Variants in CTNNAL1 observed in about 807,000 individuals in gnomAD.
CTNNAL1 encodes alpha-catulin.
Under a neutral mutation model 93.6 loss-of-function variants are expected in CTNNAL1, and 69 were observed. The observed-to-expected ratio is 0.74, with a 90% CI of 0.61 to 0.90. The LOEUF is 0.90. Ranked by LOEUF, CTNNAL1 falls within the 40% of genes least tolerant of loss-of-function variation. The probability of loss-of-function intolerance (pLI) is 0.00; values close to 1 mark genes in which losing one functional copy is unlikely to be tolerated. For missense variants in CTNNAL1, 836 were observed against 862.0 expected (o/e 0.97, Z 0.38); for synonymous variants, 286 against 305.4 (o/e 0.94, Z 0.66).
chr9:108,986,497 T>C (rs957626455), intron 4 of CTNNAL1, among the ~76,000 whole-genome samples: 1 of 151,996 alleles, frequency 6.6e-6, no homozygotes, highest in Non-Finnish European at 1.5e-5. Flanking sequence ...TACGTGTGCA[T>C]GTGTCTTTAC....
At chr9:108,962,168 T>C (rs1411473859) in intron 11 of CTNNAL1, among the ~76,000 whole-genome samples, 1 of 152,192 alleles carries the variant, frequency 6.6e-6, no homozygotes. Context: ...AATGTGGAAA[T>C]AATACCTGTC....
intron 4 of CTNNAL1, among the ~76,000 whole-genome samples, chr9:108,985,955 G>A (rs150689048): frequency 9.2e-5 from 14 of 152,122 alleles, no homozygotes; most frequent in African/African-American, 3.1e-4. Flanking sequence ...AGCACTAAGC[G>A]AAGCATCCCA....
At chr9:109,006,984 C>CA (rs1489796687) in intron 1 of CTNNAL1, among the ~76,000 whole-genome samples, 5 of 152,150 alleles carry the variant, frequency 3.3e-5, no homozygotes, top group African/African-American at 1.2e-4. Flanking sequence ...TTTGGGAGGC[C>CA]AAGGCTGGTG....
At chr9:108,945,131 GTC>G (rs1193865589) in intron 15 of CTNNAL1, among the ~76,000 whole-genome samples, 1 of 152,110 alleles carries the variant, frequency 6.6e-6, no homozygotes, top group Non-Finnish European at 1.5e-5. Context: ...TAACTCCCAG[GTC>G]TCTCTCTCCA....
intron 1 of CTNNAL1, among the ~76,000 whole-genome samples, chr9:109,011,261 T>C (rs149334051): frequency 2.0e-5 from 3 of 152,266 alleles, no homozygotes; most frequent in Non-Finnish European, 2.9e-5. Flanking sequence ...GGACAGTCAA[T>C]TATGAGGAAT....
At chr9:109,001,353 A>G (rs968718385) in intron 1 of CTNNAL1, among the ~76,000 whole-genome samples, 7 of 152,140 alleles carry the variant, frequency 4.6e-5, no homozygotes, top group Admixed American at 3.9e-4. Context: ...AGGTTTTTTA[A>G]GCAGGAAAGT....
Position 108,992,753 on chromosome 9 carries a change from G to A in CTNNAL1, c.398C>T (p.Thr133Ile), listed in dbSNP as rs141719674. The change falls in exon 3 of 19, where the codon ACA becomes ATA. Residue 133 changes from threonine to isoleucine, a missense_variant. Coordinates refer to ENST00000325551, the MANE Select transcript of CTNNAL1 (RefSeq NM_003798.4). The stretch of plus-strand genomic sequence containing the variant: ...CACTCCTGTTTTGTCTGTAAAAATT[G>A]TGATCTGCCCATCAGATTCCAGATG... ...LNHLESDGQI[T>I]IFTDKTGVIK... The A allele has an allele frequency of 2.5e-6, 4 of 1,613,836 alleles. No individual in the cohort carries two copies. The African/African-American group carries it at 5.3e-5, about 22-fold the overall frequency.
chr9:108,971,452 C>A (rs1180001808), intron 9 of CTNNAL1, among the ~76,000 whole-genome samples: 1 of 152,188 alleles, frequency 6.6e-6, no homozygotes, highest in East Asian at 1.9e-4. Context: ...TGGTAATAAT[C>A]CCCGCATGTC....
At chr9:108,970,262 A>G (rs1831072384) in intron 10 of CTNNAL1, 140 bp downstream of exon 10, 2 of 736,760 alleles carry the variant, frequency 2.7e-6, no homozygotes, top group Admixed American at 4.1e-5. Flanking sequence ...CACACTACCA[A>G]CAGAAATTCC....
chr9:108,997,968 T>C (rs1832083915), intron 2 of CTNNAL1, among the ~76,000 whole-genome samples: 1 of 152,202 alleles, frequency 6.6e-6, no homozygotes, highest in Non-Finnish European at 1.5e-5. Context: ...AATGAGAACA[T>C]GTCACTGCCC....
chr9:108,962,979 A>C (rs1467673909), intron 11 of CTNNAL1, among the ~76,000 whole-genome samples: 1 of 152,196 alleles, frequency 6.6e-6, no homozygotes, highest in Non-Finnish European at 1.5e-5. Context: ...TCTATCCCTA[A>C]CATGAGATTA....
intron 2 of CTNNAL1, among the ~76,000 whole-genome samples, chr9:108,997,872 C>A (rs1249933827): frequency 2.0e-5 from 3 of 152,208 alleles, no homozygotes; most frequent in Non-Finnish European, 2.9e-5. Flanking sequence ...GTGACAACCT[C>A]CTAACTGGTT....
chr9:108,949,353 T>C (rs1177269859), intron 14 of CTNNAL1, among the ~76,000 whole-genome samples: 2 of 152,184 alleles, frequency 1.3e-5, no homozygotes, highest in African/African-American at 4.8e-5. Flanking sequence ...CAAAAAATAC[T>C]GAGCATGCCA....
intron 1 of CTNNAL1, among the ~76,000 whole-genome samples, chr9:109,008,556 C>T (rs1224856143): frequency 6.6e-6 from 1 of 152,184 alleles, no homozygotes; most frequent in Non-Finnish European, 1.5e-5. Flanking sequence ...TAGATTACAA[C>T]AAACCATTTT....
intron 11 of CTNNAL1, 119 bp from the exon 12 acceptor site, chr9:108,955,946 AAC>A: frequency 3.3e-6 from 2 of 611,560 alleles, no homozygotes; most frequent in Non-Finnish European, 5.4e-6. Flanking sequence ...TAGTTTTGAT[AAC>A]AGTCTATTCA....
intron 10 of CTNNAL1, among the ~76,000 whole-genome samples, chr9:108,965,760 C>T (rs543246011): frequency 6.6e-6 from 1 of 152,274 alleles, no homozygotes; most frequent in Admixed American, 6.5e-5. Context: ...TATATACAAA[C>T]CTGCATTCAG....
At chr9:108,968,127 G>T (rs1383066345) in intron 10 of CTNNAL1, among the ~76,000 whole-genome samples, 2 of 152,168 alleles carry the variant, frequency 1.3e-5, no homozygotes, top group African/African-American at 2.4e-5. Context: ...CTAGATTTTG[G>T]CATTGCTCTC....
rs150510970 is a variant in CTNNAL1, at chr9:109,011,104, T to C, written c.141+2198A>G. ...CAGCATTCTCAGAAAATGAGACTTG[T>C]GGACATATGAGTTTTCTGGAGAACT... On this transcript the variant is annotated intron_variant, in intron 1 of 18. Coordinates refer to ENST00000325551, the MANE Select transcript of CTNNAL1 (RefSeq NM_003798.4). 3.3e-3 allele frequency among the ~76,000 whole-genome samples: 508 copies of C among 152,348 alleles called. 5 individuals carry two copies. Among genetic ancestry groups the C allele is most frequent in the African/African-American group, 0.011 (478 of 41,574 alleles).
intron 12 of CTNNAL1, among the ~76,000 whole-genome samples, chr9:108,954,971 T>A (rs1830656053): frequency 6.6e-6 from 1 of 151,060 alleles, no homozygotes; most frequent in African/African-American, 2.4e-5. Context: ...TAATTTTATT[T>A]TTTTTTTTTT....
Sources: allele counts gnomAD v4.1 joint callset (sites outside exome capture counted in the v4.1 genomes callset), GRCh38; gene constraint gnomAD v4.1.1; transcripts MANE v1.5; gene names NCBI Gene and HGNC (gene_info 2026-07-23, HGNC 2026-07-21).